Variants in VAV3 observed in about 807,000 individuals in gnomAD.
VAV3 encodes vav guanine nucleotide exchange factor 3.
VAV3 carries 94 observed loss-of-function variants against 131.2 expected under a neutral mutation model. The observed-to-expected ratio is 0.72, with a 90% CI of 0.61 to 0.85. VAV3 has a LOEUF of 0.85. Ranked by LOEUF, VAV3 falls within the 40% of genes least tolerant of loss-of-function variation. The pLI, the probability that VAV3 is intolerant of heterozygous loss-of-function variation, is 0.00. For missense variants in VAV3, 939 were observed against 1,002.7 expected (o/e 0.94, Z 0.86); for synonymous variants, 349 against 342.0 (o/e 1.02, Z -0.22).
intron 22 of VAV3, among the ~76,000 whole-genome samples, chr1:107,608,354 G>GA (rs899123504): frequency 6.6e-6 from 1 of 152,104 alleles, no homozygotes; most frequent in East Asian, 1.9e-4. Flanking sequence ...CCAGTTACAT[G>GA]AAAAATGGTA....
At chr1:107,798,538 G>T (rs1367820170) in intron 2 of VAV3, among the ~76,000 whole-genome samples, 2 of 151,768 alleles carry the variant, frequency 1.3e-5, no homozygotes, top group Admixed American at 6.6e-5. Context: ...CTAACACAGT[G>T]TAAACCTCAT....
At chr1:107,623,500 A>G (rs907541576) in intron 20 of VAV3, among the ~76,000 whole-genome samples, 3 of 152,234 alleles carry the variant, frequency 2.0e-5, no homozygotes, top group Non-Finnish European at 2.9e-5. Flanking sequence ...CAAGGAACAT[A>G]GACTCTCATA....
chr1:107,734,323 T>A (rs1367793812), intron 15 of VAV3, among the ~76,000 whole-genome samples: 1 of 152,146 alleles, frequency 6.6e-6, no homozygotes, highest in Non-Finnish European at 1.5e-5. Flanking sequence ...AATAACCAGC[T>A]AACCTCATAA....
chr1:107,712,898 T>C (rs957083946), intron 15 of VAV3, among the ~76,000 whole-genome samples: 5 of 152,100 alleles, frequency 3.3e-5, no homozygotes, highest in African/African-American at 1.2e-4. Context: ...TGTCGGTGTA[T>C]TACCACAGAA....
At chr1:107,653,846 T>C (rs1204366088) in intron 19 of VAV3, among the ~76,000 whole-genome samples, 6 of 152,086 alleles carry the variant, frequency 3.9e-5, no homozygotes. Flanking sequence ...CCTATGAATA[T>C]ACATTAACTG....
At chr1:107,952,213 A>C (rs1674573731) in intron 1 of VAV3, among the ~76,000 whole-genome samples, 3 of 152,164 alleles carry the variant, frequency 2.0e-5, no homozygotes, top group African/African-American at 7.2e-5. Context: ...GCAGGAACAG[A>C]AAACCAAATG....
intron 25 of VAV3, among the ~76,000 whole-genome samples, chr1:107,579,369 T>G (rs886186820): frequency 6.6e-6 from 1 of 152,228 alleles, no homozygotes; most frequent in African/African-American, 2.4e-5. Context: ...ATGTCTGATT[T>G]AATGTGTCTG....
At chr1:107,777,555 A>C (rs1180467028) in intron 3 of VAV3, 1 of 520,848 alleles carries the variant, frequency 1.9e-6, no homozygotes, top group Non-Finnish European at 3.4e-6. Flanking sequence ...CCACAGTCAC[A>C]TGTGCAGGGG....
At chr1:107,716,308 A>C (rs547506575) in intron 15 of VAV3, among the ~76,000 whole-genome samples, 6 of 152,336 alleles carry the variant, frequency 3.9e-5, no homozygotes, top group African/African-American at 1.4e-4. Flanking sequence ...TTGTGACCAA[A>C]CAGCCAGCCA....
At chr1:107,891,888 G>A (rs1376486392) in intron 1 of VAV3, among the ~76,000 whole-genome samples, 2 of 149,060 alleles carry the variant, frequency 1.3e-5, no homozygotes, top group East Asian at 2.0e-4. Flanking sequence ...AGACCAGGCT[G>A]CTTTCAAGTC....
chr1:107,617,422 A>T (rs1165588504), intron 21 of VAV3, 145 bp downstream of exon 21: 1 of 639,332 alleles, frequency 1.6e-6, no homozygotes, highest in Admixed American at 3.4e-5. Flanking sequence ...TAGAACTATA[A>T]TGATGTTGAA....
chr1:107,950,743 A>G (rs1252089426), intron 1 of VAV3, among the ~76,000 whole-genome samples: 2 of 152,206 alleles, frequency 1.3e-5, no homozygotes, highest in Non-Finnish European at 2.9e-5. Context: ...AAGGCTGATC[A>G]TAAATTCTGA....
chr1:107,693,785 A>G (rs761171209), intron 17 of VAV3, among the ~76,000 whole-genome samples: 39 of 152,154 alleles, frequency 2.6e-4, no homozygotes, highest in Non-Finnish European at 4.1e-4. Context: ...CATATTCCGA[A>G]CAGCAAAGGA....
chr1:107,813,133 A>AAC (rs1272854160), intron 2 of VAV3, among the ~76,000 whole-genome samples: 1 of 147,582 alleles, frequency 6.8e-6, no homozygotes, highest in Non-Finnish European at 1.5e-5. Context: ...AAAAAAAAAA[A>AAC]CTCTTGATAA....
chr1:107,660,079 G>A (rs369147329), intron 19 of VAV3, among the ~76,000 whole-genome samples: 6 of 152,190 alleles, frequency 3.9e-5, no homozygotes, highest in Admixed American at 1.3e-4. Context: ...GTATTCCCAC[G>A]GATCATCTAA....
chr1:107,591,559 C>T (rs1194083171), intron 25 of VAV3, among the ~76,000 whole-genome samples: 1 of 152,162 alleles, frequency 6.6e-6, no homozygotes, highest in Non-Finnish European at 1.5e-5. Flanking sequence ...GGACCAGACG[C>T]TTCTATGTCT....
intron 19 of VAV3, among the ~76,000 whole-genome samples, chr1:107,645,791 G>A (rs749151210): frequency 5.3e-5 from 8 of 151,936 alleles, no homozygotes; most frequent in Non-Finnish European, 1.0e-4. Context: ...TTCATATTTC[G>A]AACAGTCATT....
intron 20 of VAV3, among the ~76,000 whole-genome samples, chr1:107,626,374 C>T (rs976674857): frequency 5.9e-5 from 9 of 152,192 alleles, no homozygotes; most frequent in African/African-American, 2.2e-4. Flanking sequence ...TGTTCTAGTG[C>T]AGTCACATAC....
Position 107,910,816 on chromosome 1 carries a change from C to A in VAV3, c.205-35799G>T, listed in dbSNP as rs142488326. Among the ~76,000 whole-genome samples the A allele has an allele frequency of 1.9e-3, 288 of 152,110 alleles. 1 individual carries two copies. The highest frequency in any genetic ancestry group is 3.2e-3 in the Non-Finnish European group (215 of 67,998). On this transcript the variant is annotated intron_variant, in intron 1 of 26. Transcript: ENST00000370056. ...GCAACATAGCAAAACCCCATCTCTA[C>A]TAAAAATACTAAAATTAGCCGGGCA...
Sources: gnomAD v4.1 joint callset for allele counts (sites outside exome capture counted in the v4.1 genomes callset) on GRCh38, gnomAD v4.1.1 for gene constraint, MANE v1.5 for transcripts, NCBI Gene and HGNC (gene_info 2026-07-23, HGNC 2026-07-21) for gene names.